SCN2A: variants seen among roughly 807,000 people sequenced by gnomAD.
SCN2A encodes sodium voltage-gated channel alpha subunit 2, also known as sodium channel protein type 2 subunit alpha.
SCN2A carries 20 observed loss-of-function variants against 188.7 expected under a neutral mutation model. That is an observed-to-expected ratio of 0.11 (90% CI 0.07 to 0.15). The LOEUF is 0.15. Among genes scored for constraint, SCN2A ranks in the 10% least tolerant of loss-of-function variants. The probability of loss-of-function intolerance (pLI) is 1.00; values close to 1 mark genes in which losing one functional copy is unlikely to be tolerated. For synonymous variants in SCN2A, 804 were observed against 833.1 expected (o/e 0.97, Z 0.60); for missense variants, 1,278 against 2,445.0 (o/e 0.52, Z 10.07).
Position 165,344,812 on chromosome 2 carries a change from T to C in SCN2A, c.2820T>C (p.Cys940=), listed in dbSNP as rs1553579495. Residue 940 remains cysteine (C), a synonymous_variant, in exon 16 of 27, where the codon TGT becomes TGC. Coordinates refer to ENST00000375437, the MANE Select transcript of SCN2A (RefSeq NM_001040142.2). ...TCCTGATCGTGTTCCGCGTGCTGTG[T>C]GGAGAGTGGATAGAGACCATGTGGG... The part of the protein sequence containing the change: ...HSFLIVFRVL[C]GEWIETMWDC... 3.1e-6 allele frequency: 5 copies of C among 1,614,162 alleles called. No homozygotes were observed. In the East Asian group the frequency reaches 1.1e-4, roughly 36 times the overall value.
rs949516482 is a variant in SCN2A, at chr2:165,370,251, A to G, written c.3801A>G (p.Gln1267=). ...TAAAGTGGGTTGCATATGGTTTTCAAGTGTATTTTACCAATGCCTGGTGCT... is the reference window on the plus strand; with the variant it reads ...TAAAGTGGGTTGCATATGGTTTTCAGGTGTATTTTACCAATGCCTGGTGCT... The part of the protein sequence containing the change: ...MLLKWVAYGF[Q]VYFTNAWCWL... The change falls in exon 20 of 27, where the codon CAA becomes CAG. Residue 1267 remains glutamine (Q), a synonymous_variant. Transcript: ENST00000375437. The G allele has an allele frequency of 5.6e-6, 9 of 1,614,154 alleles. No homozygotes were observed. The highest frequency in any genetic ancestry group is 1.3e-5 in the African/African-American group (1 of 75,058).
intron 23 of SCN2A, among the ~76,000 whole-genome samples, chr2:165,379,377 T>G (rs1287909329): frequency 6.6e-6 from 1 of 151,668 alleles, no homozygotes; most frequent in Non-Finnish European, 1.5e-5. Context: ...CTAAGCTTAT[T>G]GTTCAAAACT....
At chr2:165,372,349 T>C (rs1001331976) in intron 20 of SCN2A, 1 of 152,162 alleles carries the variant, frequency 6.6e-6, no homozygotes, top group Non-Finnish European at 1.5e-5. Context: ...TTCACTTATT[T>C]TCCTTAAAAA....
At chr2:165,262,432 A>G (rs1694635773) in intron 1 of SCN2A, among the ~76,000 whole-genome samples, 1 of 152,044 alleles carries the variant, frequency 6.6e-6, no homozygotes, top group Non-Finnish European at 1.5e-5. Flanking sequence ...TTGCATCCTC[A>G]TAGCTTAGCT....
chr2:165,253,524 A>T (rs1215056299), intron 1 of SCN2A, among the ~76,000 whole-genome samples: 1 of 152,138 alleles, frequency 6.6e-6, no homozygotes, highest in Non-Finnish European at 1.5e-5. Flanking sequence ...TCCATAAATA[A>T]GTTTTATTGG....
rs547813904 is a variant in SCN2A at position 165,303,675 on chromosome 2, T to G, written c.387-4173T>G. Among the ~76,000 whole-genome samples the G allele has an allele frequency of 7.9e-5, 12 of 152,280 alleles. No homozygotes were observed. The East Asian group carries it at 2.3e-3, about 29-fold the overall frequency. On this transcript the variant is annotated intron_variant, in intron 3 of 26. Transcript: ENST00000375437. ...ACTGATGAAATAAATTAACAATGAT[T>G]TAGAAACTTAGTGAATTTTAAGCCT...
At chr2:165,265,324 CCACTTTTTA>C (rs1442387908) in intron 1 of SCN2A, among the ~76,000 whole-genome samples, 88 of 149,754 alleles carry the variant, frequency 5.9e-4, no homozygotes, top group African/African-American at 1.9e-3. Context: ...TGTCCATTGG[CCACTTTTTA>C]ATGGGGTTGT....
At chr2:165,376,673 G>T (rs543264927) in intron 22 of SCN2A, among the ~76,000 whole-genome samples, 1 of 151,924 alleles carries the variant, frequency 6.6e-6, no homozygotes, top group East Asian at 1.9e-4. Flanking sequence ...GGAAAGAAGT[G>T]CTGGCCCCAA....
chr2:165,261,652 G>A (rs1051842497), intron 1 of SCN2A, among the ~76,000 whole-genome samples: 1 of 152,124 alleles, frequency 6.6e-6, no homozygotes, highest in East Asian at 1.9e-4. Flanking sequence ...ATTGACCTTT[G>A]TTGATACAAA....
intron 3 of SCN2A, among the ~76,000 whole-genome samples, chr2:165,302,512 TTTCC>T (rs1696872266): frequency 6.6e-6 from 1 of 152,190 alleles, no homozygotes; most frequent in Admixed American, 6.5e-5. Flanking sequence ...CATAATGTCT[TTTCC>T]TTCCTATAGA....
At chr2:165,366,060 TCTTACAG>T (rs1700710703) in intron 18 of SCN2A, among the ~76,000 whole-genome samples, 1 of 152,332 alleles carries the variant, frequency 6.6e-6, no homozygotes, top group East Asian at 1.9e-4. Flanking sequence ...GTTTCTCTAT[TCTTACAG>T]CTTCATTTTC....
At chr2:165,323,068 A>C in intron 11 of SCN2A, 88 bp from the exon 12 acceptor site, 2 of 1,237,988 alleles carry the variant, frequency 1.6e-6, no homozygotes, top group Admixed American at 3.8e-5. Context: ...GTCAATGACT[A>C]TGACACAATG....
At position 165,388,566 on chromosome 2, in the gene SCN2A, G is replaced by A. The variant is rs1314129255; in HGVS notation, c.4823-63G>A. On this transcript the variant is annotated intron_variant, in intron 26 of 26. Coordinates refer to ENST00000375437, the MANE Select transcript of SCN2A (RefSeq NM_001040142.2). ...CATTTTGTAAAACTAATGTACTTAT[G>A]TAAACTTTCATTTGCTACTATTAAG... 4.4e-6 allele frequency: 7 copies of A among 1,606,764 alleles called. No individual in the cohort carries two copies. In the East Asian group the frequency reaches 1.3e-4, roughly 31 times the overall value.
chr2:165,254,081 A>T (rs1048741444), intron 1 of SCN2A, among the ~76,000 whole-genome samples: 1 of 151,874 alleles, frequency 6.6e-6, no homozygotes, highest in Non-Finnish European at 1.5e-5. Flanking sequence ...CCTTAGTGAT[A>T]TATTGATGTA....
chr2:165,304,120 CAG>C (rs1696988670), intron 3 of SCN2A, among the ~76,000 whole-genome samples: 1 of 152,030 alleles, frequency 6.6e-6, no homozygotes. Flanking sequence ...ATATTTTAGA[CAG>C]AGTCTCACTC....
Position 165,288,567 on chromosome 2 carries a change from G to A in SCN2A, c.-51-7206G>A, listed in dbSNP as rs78460628. ...AAAAAAAAAACAGCTTTTCTCACCAGTAAACACTGAACGTGAGTTCTTCAT... is the reference window on the plus strand; with the variant it reads ...AAAAAAAAAACAGCTTTTCTCACCAATAAACACTGAACGTGAGTTCTTCAT... On this transcript the variant is annotated intron_variant, in intron 1 of 26. Transcript: ENST00000375437. Among the ~76,000 whole-genome samples the A allele has an allele frequency of 5.8e-3, 881 of 150,656 alleles. 19 individuals carry two copies. The East Asian group carries it at 0.089, about 15-fold the overall frequency.
At chr2:165,278,554 G>A (rs1026360479) in intron 1 of SCN2A, among the ~76,000 whole-genome samples, 8 of 152,088 alleles carry the variant, frequency 5.3e-5, no homozygotes, top group African/African-American at 1.7e-4. Flanking sequence ...CTTGACACTC[G>A]GGGATTATGG....
chr2:165,362,724 G>A (rs760528524), intron 17 of SCN2A, among the ~76,000 whole-genome samples: 3 of 151,910 alleles, frequency 2.0e-5, no homozygotes, highest in Non-Finnish European at 2.9e-5. Context: ...CGTGGCTTCT[G>A]CCCCCAAATG....
At position 165,315,487 on chromosome 2, in the gene SCN2A, C is replaced by T. The variant is rs2105259518; in HGVS notation, c.1400C>T (p.Ala467Val). The T allele has an allele frequency of 3.7e-6, 6 of 1,613,910 alleles. No homozygotes were observed. The highest frequency in any genetic ancestry group is 5.1e-6 in the Non-Finnish European group (6 of 1,179,826). The change falls in exon 11 of 27, where the codon GCA becomes GTA. Residue 467 changes from alanine to valine, a missense_variant. Ala to Val is a moderately conservative substitution (Grantham distance 64, BLOSUM62 0). Around this residue, in one of 17 missense-constraint regions of SCN2A, gnomAD observed 315 missense variants for 386.6 expected, o/e 0.81. Transcript: ENST00000375437. Reference sequence around the variant, plus strand: ...CCCTTCTAGGCGGCAGCTGCAGCCGCATCTGCTGAATCAAGAGACTTCAGT... The same window carrying T: ...CCCTTCTAGGCGGCAGCTGCAGCCGTATCTGCTGAATCAAGAGACTTCAGT... ...QEEAQAAAAA[A>V]SAESRDFSGA...
Sources: gnomAD v4.1 joint callset for allele counts (sites outside exome capture counted in the v4.1 genomes callset) on GRCh38, gnomAD v4.1.1 for gene constraint, gnomAD v4.1.1 regional missense constraint, MANE v1.5 for transcripts, NCBI Gene and HGNC (gene_info 2026-07-23, HGNC 2026-07-21) for gene names.